PTPN22: variants seen among roughly 807,000 people sequenced by gnomAD.
The protein encoded by PTPN22 is tyrosine-protein phosphatase non-receptor type 22.
In PTPN22, 85 loss-of-function variants were observed where a neutral mutation model predicts 103.3. The observed-to-expected ratio is 0.82, with a 90% CI of 0.69 to 0.99. The LOEUF is 0.99. PTPN22 is among the 50% of genes least tolerant of loss of function. The probability of loss-of-function intolerance (pLI) is 0.00; values close to 1 mark genes in which losing one functional copy is unlikely to be tolerated. For synonymous variants in PTPN22, 323 were observed against 310.2 expected, an observed-to-expected ratio of 1.04 and a Z score of -0.43; for missense variants, 865 against 936.9, an observed-to-expected ratio of 0.92 and a Z score of 1.00.
At chr1:113,864,336 G>A (rs1665916637) in intron 1 of PTPN22, 1 of 424,420 alleles carries the variant, frequency 2.4e-6, no homozygotes, top group Non-Finnish European at 4.7e-6. Flanking sequence ...TCTGCAGTGA[G>A]CTATGATCAA....
chr1:113,833,590 T>C (rs889090465), intron 15 of PTPN22, among the ~76,000 whole-genome samples: 3 of 152,214 alleles, frequency 2.0e-5, no homozygotes, highest in Non-Finnish European at 2.9e-5. Context: ...AGCATTGCAA[T>C]TGTAGGTACT....
chr1:113,837,617 G>A, exon 13 of PTPN22: 1 of 1,591,530 alleles, frequency 6.3e-7, no homozygotes, highest in Non-Finnish European at 8.6e-7. Context: ...TGGTTCAATA[G>A]TGAGGAAATA....
chr1:113,830,554 T>C (rs1273682521), intron 16 of PTPN22, among the ~76,000 whole-genome samples: 2 of 152,140 alleles, frequency 1.3e-5, no homozygotes, highest in Admixed American at 6.5e-5. Flanking sequence ...TCAAATGAAA[T>C]GCTTAGATTT....
chr1:113,818,796 A>C (rs1016306773), intron 20 of PTPN22, among the ~76,000 whole-genome samples: 11 of 152,182 alleles, frequency 7.2e-5, no homozygotes, highest in African/African-American at 2.7e-4. Context: ...TGAAGACCAG[A>C]AGAGTAAGAA....
At chr1:113,820,726 T>C in intron 19 of PTPN22, among the ~76,000 whole-genome samples, 1 of 152,168 alleles carries the variant, frequency 6.6e-6, no homozygotes, top group East Asian at 1.9e-4. Flanking sequence ...TTCTAACAAA[T>C]TGCATATAAA....
chr1:113,869,468 C>T (rs1373936886), intron 1 of PTPN22, among the ~76,000 whole-genome samples: 2 of 151,110 alleles, frequency 1.3e-5, no homozygotes, highest in African/African-American at 2.4e-5. Flanking sequence ...TATCTCAGTT[C>T]ACTGCAACCT....
intron 1 of PTPN22, 124 bp downstream of exon 1, chr1:113,871,413 T>G (rs1400659080): frequency 1.0e-5 from 7 of 700,324 alleles, no homozygotes; most frequent in Non-Finnish European, 1.7e-5. Flanking sequence ...TTTTTTTCTG[T>G]CTTCCCCGCC....
chr1:113,839,417 T>A (rs1416450773), intron 11 of PTPN22, among the ~76,000 whole-genome samples: 1 of 149,968 alleles, frequency 6.7e-6, no homozygotes, highest in Non-Finnish European at 1.5e-5. Context: ...TAAGTTAGGG[T>A]CTTATTCTGT....
exon 14 of PTPN22, chr1:113,834,921 A>G (rs775140391): frequency 7.0e-6 from 11 of 1,575,522 alleles, no homozygotes; most frequent in Non-Finnish European, 9.5e-6. Flanking sequence ...AGCTTCCTCA[A>G]CCACAATAAA....
chr1:113,864,943 T>G (rs1169912013), intron 1 of PTPN22, among the ~76,000 whole-genome samples: 3 of 151,734 alleles, frequency 2.0e-5, no homozygotes, highest in Admixed American at 6.6e-5. Context: ...CCAAATGTTA[T>G]CTAGGTAAAG....
chr1:113,816,590 GGTAAC>G (rs1278312662), intron 20 of PTPN22, among the ~76,000 whole-genome samples: 1 of 152,000 alleles, frequency 6.6e-6, no homozygotes, highest in African/African-American at 2.4e-5. Flanking sequence ...TCAAGCCTAT[GGTAAC>G]TACTCAAATG....
chr1:113,850,572 G>A (rs1002564164), intron 10 of PTPN22, among the ~76,000 whole-genome samples: 1 of 152,146 alleles, frequency 6.6e-6, no homozygotes, highest in Admixed American at 6.5e-5. Flanking sequence ...TTTCAAGTCT[G>A]ACAGCATTAA....
At chr1:113,864,653 C>T (rs192203532) in intron 1 of PTPN22, among the ~76,000 whole-genome samples, 118 of 149,618 alleles carry the variant, frequency 7.9e-4, no homozygotes, top group African/African-American at 2.6e-3. Flanking sequence ...TGGTGGCTCA[C>T]GCCTATAATC....
At chr1:113,835,795 A>G (rs937058201) in intron 13 of PTPN22, among the ~76,000 whole-genome samples, 9 of 152,174 alleles carry the variant, frequency 5.9e-5, no homozygotes, top group African/African-American at 2.2e-4. Context: ...TTACAAAACA[A>G]CAGTATAGGA....
At chr1:113,822,519 T>A (rs1334046835) in intron 19 of PTPN22, among the ~76,000 whole-genome samples, 1 of 152,168 alleles carries the variant, frequency 6.6e-6, no homozygotes, top group African/African-American at 2.4e-5. Flanking sequence ...CTACCCTGCA[T>A]CTAAGATGGC....
chr1:113,859,476 A>G lies in PTPN22; in HGVS notation c.88-16T>C, dbSNP rs923788431. On this transcript the variant is annotated splice_polypyrimidine_tract_variant and intron_variant, in intron 1 of 20. Coordinates refer to ENST00000359785, the Ensembl canonical transcript of PTPN22. The stretch of plus-strand genomic sequence containing the variant: ...TTTTCAGCTTCTGTAATAAGATTCC[A>G]AGAAAAATTAATCTTCCTAGAGAAA... The G allele has an allele frequency of 6.3e-7, 1 of 1,576,316 alleles. No homozygotes were observed. The highest frequency in any genetic ancestry group is 1.4e-5 in the African/African-American group (1 of 73,942).
At chr1:113,844,478 C>G (rs770115834) in intron 11 of PTPN22, among the ~76,000 whole-genome samples, 1 of 152,030 alleles carries the variant, frequency 6.6e-6, no homozygotes, top group African/African-American at 2.4e-5. Context: ...AAACAAAAAA[C>G]CAATTCTGAT....
intron 1 of PTPN22, among the ~76,000 whole-genome samples, chr1:113,868,797 G>A (rs186025235): frequency 1.4e-3 from 219 of 152,162 alleles, no homozygotes; most frequent in Non-Finnish European, 2.3e-3. Context: ...TCTTGACTTG[G>A]GTAGTGGTTG....
intron 1 of PTPN22, among the ~76,000 whole-genome samples, chr1:113,862,014 C>A (rs761946608): frequency 6.6e-6 from 1 of 152,048 alleles, no homozygotes; most frequent in Non-Finnish European, 1.5e-5. Flanking sequence ...GGTGCGGTGG[C>A]TCACACCTGT....
Sources: allele counts gnomAD v4.1 joint callset (sites outside exome capture counted in the v4.1 genomes callset), GRCh38; gene constraint gnomAD v4.1.1; transcripts MANE v1.5; gene names NCBI Gene and HGNC (gene_info 2026-07-23, HGNC 2026-07-21).